TSC22D1: variants seen among roughly 807,000 people sequenced by gnomAD.
The protein encoded by TSC22D1 is TSC22 domain family member 1, also known as TSC22 domain family protein 1.
In TSC22D1, 9 loss-of-function variants were observed where a neutral mutation model predicts 74.2. That is an observed-to-expected ratio of 0.12 (90% confidence interval 0.07 to 0.21). TSC22D1 has a LOEUF of 0.21. Ranked by LOEUF, TSC22D1 falls within the 10% of genes least tolerant of loss-of-function variation. The probability of loss-of-function intolerance (pLI) is 1.00; values close to 1 mark genes in which losing one functional copy is unlikely to be tolerated. For missense variants in TSC22D1, 1,427 were observed against 1,304.7 expected (o/e 1.09, Z -1.44); for synonymous variants, 586 against 492.5 (o/e 1.19, Z -2.51).
At chr13:44,539,622 A>G in intron 1 of TSC22D1, 7 of 1,142,158 alleles carry the variant, frequency 6.1e-6, no homozygotes, top group Non-Finnish European at 7.6e-6. Flanking sequence ...AATGAGTACT[A>G]GTTAGCATTC....
rs528471402 is a variant in TSC22D1, at chr13:44,557,387, C to T, written c.2912+15776G>A. ...GAGGCAGGAGAATTGCTTGAACCTG[C>T]GAGGTGGAGGTTGCGGTGAGCTGAG... On this transcript the variant is annotated intron_variant, in intron 1 of 2. Transcript: ENST00000458659. Among the ~76,000 whole-genome samples, 118 of 152,186 alleles carry T rather than the reference C, an allele frequency of 7.8e-4. 1 individual carries two copies. Among genetic ancestry groups the T allele is most frequent in the African/African-American group, 2.7e-3 (111 of 41,534 alleles).
chr13:44,461,329 AG>A (rs1876985466), intron 1 of TSC22D1, among the ~76,000 whole-genome samples: 1 of 152,344 alleles, frequency 6.6e-6, no homozygotes, highest in South Asian at 2.1e-4. Flanking sequence ...ATATTTATTT[AG>A]TGCCTACCTG....
chr13:44,455,489 T>G (rs1021374920), intron 1 of TSC22D1, among the ~76,000 whole-genome samples: 1 of 152,244 alleles, frequency 6.6e-6, no homozygotes, highest in African/African-American at 2.4e-5. Flanking sequence ...TGTTCTGCAC[T>G]TAATAGCAAT....
intron 1 of TSC22D1, among the ~76,000 whole-genome samples, chr13:44,532,114 ATAACT>A (rs575452314): frequency 1.2e-3 from 179 of 152,350 alleles, no homozygotes; most frequent in African/African-American, 3.6e-3. Flanking sequence ...CAAACTGAAA[ATAACT>A]TAAATGGGGA....
chr13:44,554,340 T>C (rs1882482019), intron 1 of TSC22D1, among the ~76,000 whole-genome samples: 1 of 152,208 alleles, frequency 6.6e-6, no homozygotes, highest in African/African-American at 2.4e-5. Context: ...CTCATTATGC[T>C]TATTCATCGA....
intron 1 of TSC22D1, among the ~76,000 whole-genome samples, chr13:44,569,971 A>T (rs1252647042): frequency 6.6e-6 from 1 of 152,210 alleles, no homozygotes; most frequent in Non-Finnish European, 1.5e-5. Flanking sequence ...ATAGAGGAAT[A>T]TTAAAAAGTG....
At chr13:44,468,962 T>C (rs1877447654) in intron 1 of TSC22D1, among the ~76,000 whole-genome samples, 1 of 130,272 alleles carries the variant, frequency 7.7e-6, no homozygotes, top group African/African-American at 2.5e-5. Context: ...AAATTCTTTC[T>C]GTATTCCTAC....
chr13:44,537,968 T>C, intron 1 of TSC22D1: 1 of 985,326 alleles, frequency 1.0e-6, no homozygotes, highest in African/African-American at 1.7e-5. Context: ...TTTAAAAACA[T>C]TCTTTAATAG....
At chr13:44,478,477 G>A (rs189191351) in intron 1 of TSC22D1, among the ~76,000 whole-genome samples, 12 of 152,180 alleles carry the variant, frequency 7.9e-5, no homozygotes, top group Non-Finnish European at 1.6e-4. Flanking sequence ...CTTGGAACCT[G>A]GCAGTCTGAT....
chr13:44,465,737 C>T (rs1366287394), intron 1 of TSC22D1, among the ~76,000 whole-genome samples: 1 of 152,156 alleles, frequency 6.6e-6, no homozygotes, highest in Non-Finnish European at 1.5e-5. Context: ...CTTTAGGAGG[C>T]CGAGGCGAGT....
intron 1 of TSC22D1, among the ~76,000 whole-genome samples, chr13:44,527,755 G>A (rs1880618366): frequency 6.6e-6 from 1 of 152,060 alleles, no homozygotes; most frequent in Admixed American, 6.5e-5. Flanking sequence ...GACTTTCAAA[G>A]TGGATTTAAA....
chr13:44,512,330 C>T (rs899419137), intron 1 of TSC22D1, among the ~76,000 whole-genome samples: 7 of 151,922 alleles, frequency 4.6e-5, no homozygotes, highest in Non-Finnish European at 8.8e-5. Context: ...TCACCGCGCC[C>T]GGCTAATTTT....
At chr13:44,535,622 AAAC>A (rs1396766135) in intron 1 of TSC22D1, among the ~76,000 whole-genome samples, 2 of 103,650 alleles carry the variant, frequency 1.9e-5, no homozygotes, top group Admixed American at 9.1e-5. Context: ...AAGCTACAAA[AAAC>A]AAACAAACAA....
intron 1 of TSC22D1, among the ~76,000 whole-genome samples, chr13:44,550,388 CCTGA>C (rs1398366260): frequency 6.6e-6 from 1 of 152,004 alleles, no homozygotes; most frequent in African/African-American, 2.4e-5. Context: ...TCGAGACCAG[CCTGA>C]CTAACATGGT....
intron 1 of TSC22D1, among the ~76,000 whole-genome samples, chr13:44,518,978 T>C (rs1257400255): frequency 1.3e-5 from 2 of 152,212 alleles, no homozygotes; most frequent in African/African-American, 2.4e-5. Flanking sequence ...CACAATGTAA[T>C]TTTTCAGTTT....
chr13:44,542,824 T>G (rs1881560115), intron 1 of TSC22D1, among the ~76,000 whole-genome samples: 1 of 152,124 alleles, frequency 6.6e-6, no homozygotes, highest in African/African-American at 2.4e-5. Context: ...AAAAAGAAAG[T>G]GCAGCCTTTG....
chr13:44,517,827 GTGTATATATATA>G (rs1880096451), intron 1 of TSC22D1, among the ~76,000 whole-genome samples: 1 of 24,628 alleles, frequency 4.1e-5, no homozygotes, highest in Admixed American at 8.1e-4. Flanking sequence ...GTGTGTGTGT[GTGTATATATATA>G]TATATATATA....
intron 1 of TSC22D1, among the ~76,000 whole-genome samples, chr13:44,564,839 G>A (rs370863629): frequency 1.3e-5 from 2 of 152,042 alleles, no homozygotes; most frequent in South Asian, 2.1e-4. Context: ...TGTTATGTTA[G>A]AGCAATGGCA....
intron 1 of TSC22D1, among the ~76,000 whole-genome samples, chr13:44,571,438 C>T (rs1201341038): frequency 6.6e-6 from 1 of 152,104 alleles, no homozygotes; most frequent in Admixed American, 6.5e-5. Flanking sequence ...CTATCATGTC[C>T]TACCAATAGG....
Sources: allele counts gnomAD v4.1 joint callset (sites outside exome capture counted in the v4.1 genomes callset), GRCh38; gene constraint gnomAD v4.1.1; transcripts MANE v1.5; gene names NCBI Gene and HGNC (gene_info 2026-07-23, HGNC 2026-07-21).